Variants in CLSTN2 observed in about 807,000 individuals in gnomAD.
CLSTN2 encodes calsyntenin-2.
In CLSTN2, 48 loss-of-function variants were observed where a neutral mutation model predicts 101.2. The observed-to-expected ratio is 0.47, with a 90% CI of 0.38 to 0.60. The LOEUF is 0.60. Among genes scored for constraint, CLSTN2 ranks in the 20% least tolerant of loss-of-function variants. CLSTN2 has a pLI of 0.00. For synonymous variants in CLSTN2, 481 were observed against 463.6 expected, an observed-to-expected ratio of 1.04 and a Z score of -0.48; for missense variants, 1,160 against 1,238.2, an observed-to-expected ratio of 0.94 and a Z score of 0.95.
In CLSTN2 at chr3:139,935,431, C is replaced by T; in HGVS notation, c.57C>T (p.Ser19=). The change falls in exon 1 of 17, where the codon AGC becomes AGT. Residue 19 remains serine (S), a synonymous_variant. Transcript: ENST00000458420. The surrounding 1 kb of genome is among the most constrained non-coding windows in gnomAD (Gnocchi z 5.5). The stretch of plus-strand genomic sequence containing the variant: ...TCCTGCTGGCGCTGGGCGTGGGGAG[C>T]GGCAGCGGCGGTGGCGGGGACAGCC... ...VPLLLALGVG[S]GSGGGGDSRQ... 8.1e-7 allele frequency: 1 copy of T among 1,231,024 alleles called. No individual in the cohort carries two copies. The highest frequency in any genetic ancestry group is 1.0e-6 in the Non-Finnish European group (1 of 987,206). The allele number at this position is 1,231,024 out of a possible 1,614,324, so 76.3% of individuals were successfully genotyped here.
At chr3:140,279,929 A>C (rs1297795611) in intron 2 of CLSTN2, among the ~76,000 whole-genome samples, 1 of 152,162 alleles carries the variant, frequency 6.6e-6, no homozygotes, top group African/African-American at 2.4e-5. Flanking sequence ...GTGCACAATA[A>C]GCCATCACCT....
Position 140,090,964 on chromosome 3 carries a change from G to A in CLSTN2, c.110-84987G>A, listed in dbSNP as rs1340312630. Among the ~76,000 whole-genome samples, 4 of 152,252 alleles carry A rather than the reference G, an allele frequency of 2.6e-5. No homozygotes were observed. In the East Asian group the frequency reaches 7.7e-4, roughly 29 times the overall value. ...AGAGAAGGTGTATTGCATGTAGGTA[G>A]CCTGGTGATGGGTAGAGGAGTTCTG... On this transcript the variant is annotated intron_variant, in intron 1 of 16. Transcript: ENST00000458420.
At chr3:140,529,046 G>C (rs1378245126) in intron 8 of CLSTN2, among the ~76,000 whole-genome samples, 1 of 152,214 alleles carries the variant, frequency 6.6e-6, no homozygotes, top group African/African-American at 2.4e-5. Context: ...AACCAAGGCA[G>C]AACTTCCAAT....
chr3:140,288,880 C>A (rs568144411), intron 2 of CLSTN2, among the ~76,000 whole-genome samples: 110 of 152,326 alleles, frequency 7.2e-4, no homozygotes, highest in African/African-American at 2.5e-3. Context: ...GGACTCTTTT[C>A]ACTCACCCTT....
intron 2 of CLSTN2, among the ~76,000 whole-genome samples, chr3:140,248,413 A>G (rs1302279291): frequency 6.6e-6 from 1 of 152,202 alleles, no homozygotes; most frequent in African/African-American, 2.4e-5. Flanking sequence ...AGTTTTGGGC[A>G]GCACTAGAGG....
intron 1 of CLSTN2, among the ~76,000 whole-genome samples, chr3:140,095,707 T>C (rs1237835730): frequency 6.6e-6 from 1 of 152,158 alleles, no homozygotes; most frequent in African/African-American, 2.4e-5. Context: ...GACACTAAAT[T>C]TTCTGCACAA....
chr3:140,353,246 T>C (rs1009186521), intron 2 of CLSTN2, among the ~76,000 whole-genome samples: 2 of 45,520 alleles, frequency 4.4e-5, no homozygotes, highest in Non-Finnish European at 1.3e-4. Flanking sequence ...TTTACACATA[T>C]ATATATATAT....
chr3:140,401,685 T>A (rs1341235373), intron 2 of CLSTN2, among the ~76,000 whole-genome samples: 1 of 152,230 alleles, frequency 6.6e-6, no homozygotes, highest in Non-Finnish European at 1.5e-5. Flanking sequence ...ATGGCAGTGG[T>A]TGGGCACTCC....
At chr3:140,426,840 C>T (rs753416919) in intron 5 of CLSTN2, among the ~76,000 whole-genome samples, 24 of 152,200 alleles carry the variant, frequency 1.6e-4, no homozygotes, top group Non-Finnish European at 2.9e-4. Context: ...ATGGTATTTT[C>T]CACCTTTAGC....
intron 2 of CLSTN2, among the ~76,000 whole-genome samples, chr3:140,225,361 T>C (rs1190512566): frequency 6.6e-6 from 1 of 152,228 alleles, no homozygotes; most frequent in Non-Finnish European, 1.5e-5. Flanking sequence ...TCCATCTGAC[T>C]TGAGCTACAC....
intron 1 of CLSTN2, among the ~76,000 whole-genome samples, chr3:140,053,791 T>A (rs541064151): frequency 5.3e-5 from 8 of 152,284 alleles, no homozygotes; most frequent in African/African-American, 1.9e-4. Flanking sequence ...TGAAATGGAA[T>A]CAATAACACC....
At chr3:140,463,091 GTGTTGGGGTTTACCTCTCCA>G (rs1933601231) in intron 7 of CLSTN2, among the ~76,000 whole-genome samples, 1 of 152,170 alleles carries the variant, frequency 6.6e-6, no homozygotes, top group Non-Finnish European at 1.5e-5. Context: ...AAGCCCACCT[GTGTTGGGGTTTACCTCTCCA>G]TTCCTCCCAT....
chr3:140,539,642 A>T (rs1353692020), intron 9 of CLSTN2, among the ~76,000 whole-genome samples: 3 of 152,190 alleles, frequency 2.0e-5, no homozygotes, highest in African/African-American at 4.8e-5. Context: ...CTTGCTCTCT[A>T]TCACTGACTG....
rs1985357313 is a variant in CLSTN2, at chr3:140,568,085, T to C, written c.*1832T>C. ...TGAGGCTTCGTGATTCAATGTCTTG[T>C]TCAGAGTCATTCAAAAGTATAGACA... On this transcript the variant is annotated 3_prime_UTR_variant, in exon 17 of 17. Coordinates refer to ENST00000458420, the MANE Select transcript of CLSTN2 (RefSeq NM_022131.3). The C allele has an allele frequency of 6.6e-6, 1 of 152,240 alleles. No individual in the cohort carries two copies. The allele number at this position is 152,240 out of a possible 1,614,324, so 9.4% of individuals were successfully genotyped here.
At chr3:140,562,395 G>C in intron 13 of CLSTN2, 87 bp downstream of exon 13, 4 of 1,292,990 alleles carry the variant, frequency 3.1e-6, no homozygotes, top group Non-Finnish European at 4.3e-6. Context: ...TTGCACCTGT[G>C]AAGGAGCACT....
chr3:140,297,131 C>G (rs2087012273), intron 2 of CLSTN2, among the ~76,000 whole-genome samples: 1 of 152,208 alleles, frequency 6.6e-6, no homozygotes, highest in Non-Finnish European at 1.5e-5. Context: ...CTTTTTTTGA[C>G]TAAGAAACAT....
intron 4 of CLSTN2, among the ~76,000 whole-genome samples, chr3:140,413,405 GT>G (rs886079666): frequency 1.3e-5 from 2 of 152,068 alleles, no homozygotes; most frequent in African/African-American, 2.4e-5. Context: ...CATAATAATA[GT>G]TTTTTTAAAT....
At chr3:140,304,345 T>C (rs1028738099) in intron 2 of CLSTN2, among the ~76,000 whole-genome samples, 2 of 152,190 alleles carry the variant, frequency 1.3e-5, no homozygotes, top group Non-Finnish European at 1.5e-5. Flanking sequence ...GTTTAAACAA[T>C]AGGAATTTAT....
intron 2 of CLSTN2, among the ~76,000 whole-genome samples, chr3:140,262,137 T>G (rs998587979): frequency 6.6e-6 from 1 of 152,212 alleles, no homozygotes; most frequent in Non-Finnish European, 1.5e-5. Context: ...TGGCAGGGTT[T>G]TGTGTTTATA....
Sources: gnomAD v4.1 joint callset for allele counts (sites outside exome capture counted in the v4.1 genomes callset) on GRCh38, gnomAD v4.1.1 for gene constraint, Gnocchi (gnomAD v3.1) non-coding constraint, MANE v1.5 for transcripts, NCBI Gene and HGNC (gene_info 2026-07-23, HGNC 2026-07-21) for gene names.